The following TIAM1 variants were observed in gnomAD, a reference collection of about 807,000 sequenced individuals.
The protein encoded by TIAM1 is rho guanine nucleotide exchange factor TIAM1.
A neutral mutation model predicts 163.5 loss-of-function variants in TIAM1; 65 were observed. That is an observed-to-expected ratio of 0.40 (90% CI 0.33 to 0.49). TIAM1 has a LOEUF of 0.49. TIAM1 is among the 20% of genes least tolerant of loss of function. The pLI is 0.77. For synonymous variants in TIAM1, 833 were observed against 810.1 expected, an observed-to-expected ratio of 1.03 and a Z score of -0.48; for missense variants, 1,789 against 2,044.7, an observed-to-expected ratio of 0.87 and a Z score of 2.41.
chr21:31,542,426 C>CAAAA (rs60986228), intron 1 of TIAM1, among the ~76,000 whole-genome samples: 26 of 145,592 alleles, frequency 1.8e-4, no homozygotes, highest in African/African-American at 5.4e-4. Flanking sequence ...GACTCCGTCT[C>CAAAA]AAAAAAAAAG....
At chr21:31,541,226 G>A (rs920794512) in intron 1 of TIAM1, among the ~76,000 whole-genome samples, 3 of 152,202 alleles carry the variant, frequency 2.0e-5, no homozygotes, top group African/African-American at 7.2e-5. Context: ...GGAGGCTGAG[G>A]CGGGCAGATC....
intron 2 of TIAM1, among the ~76,000 whole-genome samples, chr21:31,400,673 AG>A (rs1218626602): frequency 1.3e-5 from 2 of 152,242 alleles, no homozygotes; most frequent in African/African-American, 2.4e-5. Context: ...AAAGTGACAC[AG>A]CTGGTTAGTG....
chr21:31,169,593 A>C (rs1014120446), intron 15 of TIAM1, among the ~76,000 whole-genome samples: 6 of 152,194 alleles, frequency 3.9e-5, no homozygotes, highest in East Asian at 3.8e-4. Flanking sequence ...AAGAATGAGA[A>C]AGTTTATCAT....
intron 1 of TIAM1, among the ~76,000 whole-genome samples, chr21:31,496,716 C>CACTG (rs1264375265): frequency 6.6e-6 from 1 of 152,136 alleles, no homozygotes; most frequent in African/African-American, 2.4e-5. Flanking sequence ...ACCACTCACT[C>CACTG]ACTGACCCAC....
At chr21:31,429,596 G>A (rs2043924037) in intron 2 of TIAM1, among the ~76,000 whole-genome samples, 1 of 152,164 alleles carries the variant, frequency 6.6e-6, no homozygotes, top group Non-Finnish European at 1.5e-5. Flanking sequence ...GTGAGTGGCA[G>A]CCATGGGGGA....
intron 1 of TIAM1, among the ~76,000 whole-genome samples, chr21:31,481,724 C>G (rs938144406): frequency 1.3e-5 from 2 of 152,110 alleles, no homozygotes; most frequent in African/African-American, 2.4e-5. Flanking sequence ...GGGAGAGCAC[C>G]CAGCTCCCAC....
rs146132781 is a variant in TIAM1 at position 31,470,523 on chromosome 21, G to A, written c.-421-6488C>T. ...TAATTTTGTATTTTTAGTAGAGACA[G>A]GGTTTCACCATGTTGGTCAGGCTCG... is the stretch of plus-strand genomic sequence containing the variant. On this transcript the variant is annotated intron_variant, in intron 1 of 28. Coordinates refer to the TIAM1 transcript ENST00000286827. 7.0e-4 allele frequency among the ~76,000 whole-genome samples: 106 copies of A among 151,414 alleles called. 1 individual carries two copies. Among genetic ancestry groups the A allele is most frequent in the African/African-American group, 2.1e-3 (88 of 41,226 alleles).
chr21:31,459,449 GA>G (rs1397194371), intron 2 of TIAM1, among the ~76,000 whole-genome samples: 3 of 152,096 alleles, frequency 2.0e-5, no homozygotes, highest in Non-Finnish European at 4.4e-5. Context: ...GAATTTTACT[GA>G]AAATCAAAAC....
At chr21:31,223,658 C>T in intron 7 of TIAM1, 67 bp from the exon 8 acceptor site, 1 of 1,471,076 alleles carries the variant, frequency 6.8e-7, no homozygotes, top group Admixed American at 2.1e-5. Context: ...ATATCTTTAT[C>T]CTATACAGAT....
rs1434430774 is a variant in TIAM1 at position 31,475,697 on chromosome 21, G to A, written c.-421-11662C>T. ...CACTTCACCAAGGCACACCCATGTGGCCTGTCCTCCAGTGCTGAGATGTCA... is the reference window on the plus strand; with the variant it reads ...CACTTCACCAAGGCACACCCATGTGACCTGTCCTCCAGTGCTGAGATGTCA... On this transcript the variant is annotated intron_variant, in intron 1 of 28. Coordinates refer to the TIAM1 transcript ENST00000286827. Among the ~76,000 whole-genome samples the A allele has an allele frequency of 4.6e-5, 7 of 152,206 alleles. No individual in the cohort carries two copies. In the East Asian group the frequency reaches 7.7e-4, roughly 17 times the overall value.
chr21:31,501,892 G>C (rs1453609348), intron 1 of TIAM1, among the ~76,000 whole-genome samples: 8 of 151,832 alleles, frequency 5.3e-5, no homozygotes, highest in Admixed American at 5.2e-4. Flanking sequence ...CGTGAGCACT[G>C]CGCCCAGCCT....
At chr21:31,410,693 TGTGA>T (rs141484787) in intron 2 of TIAM1, among the ~76,000 whole-genome samples, 2,888 of 150,880 alleles carry the variant, frequency 0.019, 44 homozygotes, top group South Asian at 0.043. Context: ...TGAGAGTGTG[TGTGA>T]GTGTGTATGT....
chr21:31,178,939 C>CG (rs1328907367), intron 15 of TIAM1, among the ~76,000 whole-genome samples: 1 of 151,164 alleles, frequency 6.6e-6, no homozygotes, highest in Non-Finnish European at 1.5e-5. Flanking sequence ...TTAGTAGAGA[C>CG]GGGGTTTCTC....
chr21:31,171,765 C>G (rs1308695990), intron 15 of TIAM1, among the ~76,000 whole-genome samples: 1 of 152,130 alleles, frequency 6.6e-6, no homozygotes, highest in Non-Finnish European at 1.5e-5. Flanking sequence ...AATTGTGATC[C>G]AAGGCCTCAA....
chr21:31,318,870 T>C (rs2075212710), intron 2 of TIAM1, among the ~76,000 whole-genome samples: 1 of 152,196 alleles, frequency 6.6e-6, no homozygotes, highest in Non-Finnish European at 1.5e-5. Flanking sequence ...TTTGTTTTTG[T>C]TGTTTTATAC....
At position 31,230,611 on chromosome 21, in the gene TIAM1, G is replaced by A. The variant is rs566037287; in HGVS notation, c.1585-4661C>T. 1.2e-4 allele frequency among the ~76,000 whole-genome samples: 19 copies of A among 152,172 alleles called. No homozygotes were observed. In the East Asian group the frequency reaches 2.9e-3, roughly 23 times the overall value. ...ATGATCTCAGCTCACTGCCACCTCCGCCTCCTGGGTTCAAGTGGTTCTCCT... is the reference window on the plus strand; with the variant it reads ...ATGATCTCAGCTCACTGCCACCTCCACCTCCTGGGTTCAAGTGGTTCTCCT... On this transcript the variant is annotated intron_variant, in intron 6 of 27. Transcript: ENST00000541036.
chr21:31,477,787 T>G (rs2045982281), intron 1 of TIAM1, among the ~76,000 whole-genome samples: 2 of 152,138 alleles, frequency 1.3e-5, no homozygotes, highest in Middle Eastern at 3.4e-3. Context: ...ATGAAAGAAG[T>G]TCATTTAGGA....
At chr21:31,417,512 G>T (rs2043412260) in intron 2 of TIAM1, among the ~76,000 whole-genome samples, 1 of 152,186 alleles carries the variant, frequency 6.6e-6, no homozygotes, top group African/African-American at 2.4e-5. Context: ...TTACTACCAT[G>T]AGAACAGTAC....
chr21:31,310,941 G>A (rs1383516502), intron 2 of TIAM1, among the ~76,000 whole-genome samples: 2 of 152,154 alleles, frequency 1.3e-5, no homozygotes, highest in East Asian at 1.9e-4. Flanking sequence ...TCAGTGACTC[G>A]TGCAATGCAA....
Sources: gnomAD v4.1 joint callset for allele counts (sites outside exome capture counted in the v4.1 genomes callset) on GRCh38, gnomAD v4.1.1 for gene constraint, MANE v1.5 for transcripts, NCBI Gene and HGNC (gene_info 2026-07-23, HGNC 2026-07-21) for gene names.